SCARB1: variants seen among roughly 807,000 people sequenced by gnomAD.
SCARB1 encodes the protein CD36 and LIMPII analogous 1.
In SCARB1, 30 loss-of-function variants were observed where a neutral mutation model predicts 57.2. The ratio of observed to expected loss-of-function variants is 0.52; its 90% CI spans 0.39 to 0.71. The LOEUF (loss-of-function observed/expected upper bound fraction) is 0.71, where lower values mean the gene tolerates loss of function less well. Ranked by LOEUF, SCARB1 falls within the 30% of genes least tolerant of loss-of-function variation. The pLI, the probability that SCARB1 is intolerant of heterozygous loss-of-function variation, is 0.00. For synonymous variants in SCARB1, 249 were observed against 268.3 expected, an observed-to-expected ratio of 0.93 and a Z score of 0.70; for missense variants, 543 against 671.2, an observed-to-expected ratio of 0.81 and a Z score of 2.11.
rs1157515843 is a variant in SCARB1 at position 124,782,758 on chromosome 12, C to G, written c.1455G>C (p.Glu485Asp). 3 of 1,613,552 alleles carry G rather than the reference C, an allele frequency of 1.9e-6. No homozygotes were observed. The highest frequency in any genetic ancestry group is 2.5e-6 in the Non-Finnish European group (3 of 1,179,570). Reference sequence around the variant, plus strand: ...GGGATTCAGAATAGGCCTGAATGGCCTCCTTATCCTTTGAGCCCTTTTTAC... The same window carrying G: ...GGGATTCAGAATAGGCCTGAATGGCGTCCTTATCCTTTGAGCCCTTTTTAC... The part of the protein sequence containing the change: ...SSSKKGSKDK[E>D]AIQAYSESLM... Residue 485 changes from glutamate to aspartate, a missense_variant, in exon 12 of 13, where the codon GAG becomes GAC. Transcript: ENST00000261693.
At chr12:124,850,193 T>A (rs55874203) in intron 1 of SCARB1, among the ~76,000 whole-genome samples, 19 of 140,248 alleles carry the variant, frequency 1.4e-4, no homozygotes, top group African/African-American at 2.7e-4. Context: ...GCCAACCTGG[T>A]GAAACCTCGC....
chr12:124,810,384 G>T lies in SCARB1; in HGVS notation c.727-95C>A. The T allele has an allele frequency of 1.2e-6, 1 of 834,366 alleles. No homozygotes were observed. Among genetic ancestry groups the T allele is most frequent in the South Asian group, 1.4e-5 (1 of 72,116 alleles). The allele number at this position is 834,366 out of a possible 1,614,324, so 51.7% of individuals were successfully genotyped here. A position where few individuals can be genotyped will look rare whatever the true frequency, so the allele number is the denominator to read the frequency against. ...GCACACCTAACTCACCCTGGTGCAC[G>T]CACGGCCACTCAATTCCCAATACTG... On this transcript the variant is annotated intron_variant, in intron 5 of 12. Coordinates refer to ENST00000261693, the MANE Select transcript of SCARB1 (RefSeq NM_005505.5). This position sits in a 1 kb window ranked among gnomAD's most constrained non-coding sequence, Gnocchi z 4.0.
At chr12:124,811,611 A>C (rs1287728247) in intron 5 of SCARB1, among the ~76,000 whole-genome samples, 1 of 152,162 alleles carries the variant, frequency 6.6e-6, no homozygotes, top group Non-Finnish European at 1.5e-5. Context: ...CGAAAGGAAG[A>C]AAGCACTCAG....
intron 1 of SCARB1, among the ~76,000 whole-genome samples, chr12:124,852,387 G>A (rs1475390244): frequency 6.6e-6 from 1 of 152,214 alleles, no homozygotes; most frequent in Admixed American, 6.5e-5. Context: ...TGTTCCCCAG[G>A]GCGTATGACC....
chr12:124,836,194 C>T (rs1354676636), intron 1 of SCARB1, among the ~76,000 whole-genome samples: 1 of 152,110 alleles, frequency 6.6e-6, no homozygotes, highest in African/African-American at 2.4e-5. Context: ...ACTCAGGTAC[C>T]CAGTAGGAAG....
intron 1 of SCARB1, among the ~76,000 whole-genome samples, chr12:124,844,505 A>C (rs1952055856): frequency 6.6e-6 from 1 of 152,230 alleles, no homozygotes; most frequent in Non-Finnish European, 1.5e-5. Flanking sequence ...CCCTCGGTGC[A>C]TCAGAATGTG....
chr12:124,851,158 C>T (rs1209362651), intron 1 of SCARB1, among the ~76,000 whole-genome samples: 4 of 152,218 alleles, frequency 2.6e-5, no homozygotes, highest in Admixed American at 2.0e-4. Flanking sequence ...TTCAATATCC[C>T]TCAGGAAGGT....
At chr12:124,787,365 CT>C in intron 10 of SCARB1, 40 bp downstream of exon 10, 1 of 1,603,360 alleles carries the variant, frequency 6.2e-7, no homozygotes, top group Non-Finnish European at 8.5e-7. Context: ...CACATTGGCT[CT>C]TAACAAAAGC....
chr12:124,785,888 G>A lies in SCARB1; in HGVS notation c.1401+469C>T. The A allele has an allele frequency of 6.3e-6, 4 of 637,338 alleles. No homozygotes were observed. In the South Asian group the frequency reaches 6.6e-5, roughly 11 times the overall value. The allele number at this position is 637,338 out of a possible 1,614,324, so 39.5% of individuals were successfully genotyped here. On this transcript the variant is annotated intron_variant, in intron 11 of 12. Coordinates refer to ENST00000261693, the MANE Select transcript of SCARB1 (RefSeq NM_005505.5). ...TTCTATTTGGCTCTAACCCCTCACA[G>A]CTCCTATCATGAGTGAAATTATCTT...
At chr12:124,847,961 C>T (rs1043943875) in intron 1 of SCARB1, among the ~76,000 whole-genome samples, 2 of 152,088 alleles carry the variant, frequency 1.3e-5, no homozygotes, top group Non-Finnish European at 2.9e-5. Context: ...ACCCGCCTGG[C>T]CCCTTTACAG....
intron 11 of SCARB1, chr12:124,786,072 G>A (rs1465510716): frequency 6.6e-7 from 1 of 1,522,422 alleles, no homozygotes; most frequent in Non-Finnish European, 8.8e-7. Flanking sequence ...ATGAATGGAT[G>A]ATGCAAGTAC....
chr12:124,779,203 C>A (rs1274403799), intron 12 of SCARB1, among the ~76,000 whole-genome samples: 1 of 152,224 alleles, frequency 6.6e-6, no homozygotes. Context: ...CTCACCTCAG[C>A]CTCCCAAAGC....
intron 1 of SCARB1, among the ~76,000 whole-genome samples, chr12:124,842,661 G>T (rs758262660): frequency 6.4e-4 from 97 of 152,326 alleles, no homozygotes; most frequent in Non-Finnish European, 1.1e-3. Flanking sequence ...AAAGACACAG[G>T]GGTGTTTCCA....
chr12:124,787,477 A>T lies in SCARB1; in HGVS notation c.1203-20T>A. On this transcript the variant is annotated intron_variant, in intron 9 of 12. Transcript: ENST00000261693. ...GTTTGTCTGGAAATAAGCAAGACAT[A>T]GCTGTGTGAAACAAAGTCTTACACC... 2.5e-6 allele frequency: 4 copies of T among 1,610,678 alleles called. No homozygotes were observed. The highest frequency in any genetic ancestry group is 3.4e-6 in the Non-Finnish European group (4 of 1,177,912).
chr12:124,786,024 G>T, intron 11 of SCARB1: 1 of 1,482,228 alleles, frequency 6.7e-7, no homozygotes, highest in Admixed American at 2.1e-5. Flanking sequence ...ACGTCCCCTC[G>T]CCCCTAACAG....
chr12:124,862,192 A>G (rs940431494), intron 1 of SCARB1, among the ~76,000 whole-genome samples: 1 of 152,182 alleles, frequency 6.6e-6, no homozygotes, highest in African/African-American at 2.4e-5. Flanking sequence ...CCCTCAGTGT[A>G]ACAGAGAAAG....
intron 1 of SCARB1, among the ~76,000 whole-genome samples, chr12:124,840,621 G>A (rs761703445): frequency 2.2e-4 from 33 of 152,008 alleles, no homozygotes; most frequent in Non-Finnish European, 3.8e-4. Context: ...CGATCTTCTC[G>A]TCTCGGAAAA....
chr12:124,786,087 T>A, intron 11 of SCARB1: 1 of 1,530,064 alleles, frequency 6.5e-7, no homozygotes, highest in Non-Finnish European at 8.8e-7. Context: ...AAGTACCAGG[T>A]CTCATTACTC....
At chr12:124,841,472 ACT>A (rs1951907894) in intron 1 of SCARB1, among the ~76,000 whole-genome samples, 1 of 140,798 alleles carries the variant, frequency 7.1e-6, no homozygotes, top group Non-Finnish European at 1.5e-5. Context: ...ACAGAGAAAG[ACT>A]CTGTCTCAAA....
Sources: allele counts gnomAD v4.1 joint callset (sites outside exome capture counted in the v4.1 genomes callset), GRCh38; gene constraint gnomAD v4.1.1; non-coding constraint Gnocchi (gnomAD v3.1); transcripts MANE v1.5; gene names NCBI Gene and HGNC (gene_info 2026-07-23, HGNC 2026-07-21).